FOS: variants seen among roughly 807,000 people sequenced by gnomAD.
FOS encodes the protein protein c-Fos.
A neutral mutation model predicts 27.2 loss-of-function variants in FOS; 9 were observed. The observed-to-expected ratio is 0.33, with a 90% confidence interval of 0.20 to 0.58. The LOEUF is 0.58. FOS is among the 20% of genes least tolerant of loss of function. The pLI, the probability that FOS is intolerant of heterozygous loss-of-function variation, is 0.87. For synonymous variants in FOS, 213 were observed against 205.1 expected (o/e 1.04, Z -0.33); for missense variants, 405 against 483.5 (o/e 0.84, Z 1.52).
At position 75,279,263 on chromosome 14, in the gene FOS, TC is replaced by T; in HGVS notation, c.141+141del. Reference sequence around the variant, plus strand: ...CTGCCGTGGCCGGAGCGGTGCCGGCTCGGGGGCTCGGGACTTGCTCTGAGCG... The same window carrying T: ...CTGCCGTGGCCGGAGCGGTGCCGGCTGGGGGCTCGGGACTTGCTCTGAGCG... On this transcript the variant is annotated intron_variant, in intron 1 of 3. Coordinates refer to ENST00000303562, the MANE Select transcript of FOS (RefSeq NM_005252.4). This position sits in a 1 kb window ranked among gnomAD's most constrained non-coding sequence, Gnocchi z 5.4. 9.1e-7 allele frequency: 1 copy of T among 1,097,518 alleles called. No homozygotes were observed. Among genetic ancestry groups the T allele is most frequent in the Non-Finnish European group, 1.3e-6 (1 of 764,230 alleles). 68.0% of individuals were successfully genotyped at this position (1,097,518 alleles called of 1,614,324 possible). A position where few individuals can be genotyped will look rare whatever the true frequency, so the allele number is the denominator to read the frequency against.
rs765970104 is a variant in FOS at position 75,281,393 on chromosome 14, C to T, written c.1112C>T (p.Ser371Leu). 12 of 1,611,582 alleles carry T rather than the reference C, an allele frequency of 7.4e-6. No individual in the cohort carries two copies. The highest frequency in any genetic ancestry group is 3.3e-5 in the Admixed American group (2 of 60,008). Residue 371 changes from serine (S) to leucine (L), a missense_variant, in exon 4 of 4, where the codon TCG (serine) becomes TTG (leucine). Ser to Leu is a moderately radical substitution (Grantham distance 145). Coordinates refer to ENST00000303562, the MANE Select transcript of FOS (RefSeq NM_005252.4). This position sits in a 1 kb window ranked among gnomAD's most constrained non-coding sequence, Gnocchi z 4.7. ...AGCAGCAATGAGCCTTCCTCTGACT[C>T]GCTCAGCTCACCCACGCTGCTGGCC... ...GSSSNEPSSD[S>L]LSSPTLLAL
In FOS at chr14:75,281,720, T is replaced by A; in HGVS notation, c.*296T>A. The A allele has an allele frequency of 2.4e-6, 1 of 424,338 alleles. No homozygotes were observed. Among genetic ancestry groups the A allele is most frequent in the Non-Finnish European group, 4.3e-6 (1 of 232,818 alleles). The allele number at this position is 424,338 out of a possible 1,614,324, so 26.3% of individuals were successfully genotyped here. A position where few individuals can be genotyped will look rare whatever the true frequency, so the allele number is the denominator to read the frequency against. ...GTTGAGCCAGGCCTGGGTCTGTGTC[T>A]CTTTTCTCTTTCTCCTTAGTCTTCT... is the stretch of plus-strand genomic sequence containing the variant. On this transcript the variant is annotated 3_prime_UTR_variant, in exon 4 of 4. Coordinates refer to ENST00000303562, the MANE Select transcript of FOS (RefSeq NM_005252.4). The surrounding 1 kb of genome is among the most constrained non-coding windows in gnomAD (Gnocchi z 4.7).
Position 75,280,777 on chromosome 14 carries a change from A to G in FOS, c.502-6A>G, listed in dbSNP as rs368342520. The G allele has an allele frequency of 3.3e-5, 53 of 1,613,586 alleles. No homozygotes were observed. The highest frequency in any genetic ancestry group is 8.0e-5 in the African/African-American group (6 of 74,840). ...CTTATGCTTTCCTTTATCCCTCTGTATACAGGAGACAGACCAACTAGAAGA... is the reference window on the plus strand; with the variant it reads ...CTTATGCTTTCCTTTATCCCTCTGTGTACAGGAGACAGACCAACTAGAAGA... On this transcript the variant is annotated splice_region_variant and splice_polypyrimidine_tract_variant and intron_variant, in intron 3 of 3. Coordinates refer to ENST00000303562, the MANE Select transcript of FOS (RefSeq NM_005252.4).
Position 75,279,897 on chromosome 14 carries a change from C to T in FOS, c.162C>T (p.Ala54=). 1 of 1,610,972 alleles carries T rather than the reference C, an allele frequency of 6.2e-7. No individual in the cohort carries two copies. Among genetic ancestry groups the T allele is most frequent in the Non-Finnish European group, 8.5e-7 (1 of 1,177,944 alleles). The stretch of plus-strand genomic sequence containing the variant: ...TCTAGGACTTCTGCACGGACCTGGC[C>T]GTCTCCAGTGCCAACTTCATTCCCA... ...VNAQDFCTDL[A]VSSANFIPTV... is the part of the protein sequence containing the mutation. Residue 54 remains alanine, a synonymous_variant, in exon 2 of 4, where the codon GCC becomes GCT. Transcript: ENST00000303562. This position sits in a 1 kb window ranked among gnomAD's most constrained non-coding sequence, Gnocchi z 5.4.
rs1897221019 is a variant in FOS at position 75,280,868 on chromosome 14, T to G, written c.587T>G (p.Ile196Ser). ...AAGGAGAAGGAAAAACTAGAGTTCA[T>G]CCTGGCAGCTCACCGACCTGCCTGC... ...LLKEKEKLEF[I>S]LAAHRPACKI... The change falls in exon 4 of 4, where the codon ATC (isoleucine) becomes AGC (serine). Residue 196 changes from isoleucine (I) to serine (S), a missense_variant. Transcript: ENST00000303562. 1 of 1,614,130 alleles carries G rather than the reference T, an allele frequency of 6.2e-7. No homozygotes were observed. The highest frequency in any genetic ancestry group is 8.5e-7 in the Non-Finnish European group (1 of 1,180,002).
intron 2 of FOS, 134 bp downstream of exon 2, chr14:75,280,262 C>T (rs1897212572): frequency 1.6e-6 from 2 of 1,222,894 alleles, no homozygotes; most frequent in South Asian, 1.3e-5. Context: ...GGAGCCCTGG[C>T]TCCAAGCCCA....
chr14:75,279,716 G>A lies in FOS; in HGVS notation c.142-161G>A. Reference sequence around the variant, plus strand: ...CACTGCGCTGCGGAATGCCTGGGAGGAAAAGGGGGAGACCTTTCATCCAGG... The same window carrying A: ...CACTGCGCTGCGGAATGCCTGGGAGAAAAAGGGGGAGACCTTTCATCCAGG... On this transcript the variant is annotated intron_variant, in intron 1 of 3. Transcript: ENST00000303562. This position sits in a 1 kb window ranked among gnomAD's most constrained non-coding sequence, Gnocchi z 5.4. The A allele has an allele frequency of 1.2e-6, 1 of 829,728 alleles. No individual in the cohort carries two copies. The highest frequency in any genetic ancestry group is 1.7e-5 in the South Asian group (1 of 57,636). The allele number at this position is 829,728 out of a possible 1,614,324, so 51.4% of individuals were successfully genotyped here.
At position 75,280,099 on chromosome 14, in the gene FOS, A is replaced by G; in HGVS notation, c.364A>G (p.Ser122Gly). 1 of 1,614,000 alleles carries G rather than the reference A, an allele frequency of 6.2e-7. No individual in the cohort carries two copies. The change falls in exon 2 of 4, where the codon AGC becomes GGC. Residue 122 changes from serine to glycine, a missense_variant. By Grantham distance (56) the Ser-to-Gly change is moderately conservative. Coordinates refer to ENST00000303562, the MANE Select transcript of FOS (RefSeq NM_005252.4). Reference sequence around the variant, plus strand: ...GACCATGACAGGAGGCCGAGCGCAGAGCATTGGCAGGAGGGGCAAGGTGGA... The same window carrying G: ...GACCATGACAGGAGGCCGAGCGCAGGGCATTGGCAGGAGGGGCAAGGTGGA... Reference protein sequence around the residue: ...VKTMTGGRAQSIGRRGKVEQL... With the variant: ...VKTMTGGRAQGIGRRGKVEQL...
Position 75,281,584 on chromosome 14 carries a change from G to A in FOS, c.*160G>A. On this transcript the variant is annotated 3_prime_UTR_variant, in exon 4 of 4. Coordinates refer to ENST00000303562, the MANE Select transcript of FOS (RefSeq NM_005252.4). The surrounding 1 kb of genome is among the most constrained non-coding windows in gnomAD (Gnocchi z 4.7). ...ACCAGGCTGTGGGCCTCAAGGACTT[G>A]AAAGCATCCATGTGTGGACTCAAGT... The A allele has an allele frequency of 1.3e-6, 1 of 752,936 alleles. No homozygotes were observed. Among genetic ancestry groups the A allele is most frequent in the South Asian group, 1.9e-5 (1 of 54,048 alleles). The allele number at this position is 752,936 out of a possible 1,614,324, so 46.6% of individuals were successfully genotyped here. A position where few individuals can be genotyped will look rare whatever the true frequency, so the allele number is the denominator to read the frequency against.
In FOS at chr14:75,281,244, G is replaced by T; in HGVS notation, c.963G>T (p.Glu321Asp). 6 of 1,612,496 alleles carry T rather than the reference G, an allele frequency of 3.7e-6. No homozygotes were observed. Among genetic ancestry groups the T allele is most frequent in the Non-Finnish European group, 5.1e-6 (6 of 1,180,002 alleles). ...TGGGGCCCATGGCCACAGAGCTGGA[G>T]CCCCTGTGCACTCCGGTGGTCACCT... The part of the protein sequence containing the change: ...LGMGPMATEL[E>D]PLCTPVVTCT... The change falls in exon 4 of 4, where the codon GAG becomes GAT. Residue 321 changes from glutamate to aspartate, a missense_variant. By Grantham distance (45) the Glu-to-Asp change is conservative. Transcript: ENST00000303562. The surrounding 1 kb of genome is among the most constrained non-coding windows in gnomAD (Gnocchi z 4.7).
chr14:75,279,348 G>A lies in FOS; in HGVS notation c.141+225G>A, dbSNP rs970525672. ...CCTTCGGGAGGCAGGTTCGTTCTGA[G>A]CAACCTCTGGTCTGCACTCCAGGAC... On this transcript the variant is annotated intron_variant, in intron 1 of 3. Coordinates refer to ENST00000303562, the MANE Select transcript of FOS (RefSeq NM_005252.4). The surrounding 1 kb of genome is among the most constrained non-coding windows in gnomAD (Gnocchi z 5.4). 5.6e-5 allele frequency: 34 copies of A among 611,752 alleles called. No homozygotes were observed. The highest frequency in any genetic ancestry group is 4.3e-4 in the South Asian group (22 of 51,228). 37.9% of individuals were successfully genotyped at this position (611,752 alleles called of 1,614,324 possible). A position where few individuals can be genotyped will look rare whatever the true frequency, so the allele number is the denominator to read the frequency against.
chr14:75,281,260 G>A lies in FOS; in HGVS notation c.979G>A (p.Val327Met), dbSNP rs763381996. The A allele has an allele frequency of 6.2e-7, 1 of 1,611,878 alleles. No individual in the cohort carries two copies. Among genetic ancestry groups the A allele is most frequent in the South Asian group, 1.1e-5 (1 of 91,088 alleles). ...ATELEPLCTP[V>M]VTCTPSCTAY... ...AGAGCTGGAGCCCCTGTGCACTCCG[G>A]TGGTCACCTGTACTCCCAGCTGCAC... Residue 327 changes from valine (V) to methionine (M), a missense_variant, in exon 4 of 4, where the codon GTG (valine) becomes ATG (methionine). Coordinates refer to ENST00000303562, the MANE Select transcript of FOS (RefSeq NM_005252.4). The surrounding 1 kb of genome is among the most constrained non-coding windows in gnomAD (Gnocchi z 4.7).
In FOS at chr14:75,279,184, C is replaced by T; in HGVS notation, c.141+61C>T. On this transcript the variant is annotated intron_variant, in intron 1 of 3. Transcript: ENST00000303562. The surrounding 1 kb of genome is among the most constrained non-coding windows in gnomAD (Gnocchi z 5.4). The stretch of plus-strand genomic sequence containing the variant: ...CTTGGGGTCGCGGAGGAGGAGACAC[C>T]GGGCGGGACGCTCCAGTAGATGAGT... The T allele has an allele frequency of 6.3e-7, 1 of 1,599,896 alleles. No homozygotes were observed. Among genetic ancestry groups the T allele is most frequent in the South Asian group, 1.1e-5 (1 of 90,944 alleles).
chr14:75,280,363 C>T (rs1290826351), intron 2 of FOS, 197 bp from the exon 3 acceptor site: 2 of 681,974 alleles, frequency 2.9e-6, no homozygotes, highest in African/African-American at 1.8e-5. Context: ...TCAGACTGGG[C>T]TCTTCTTTGT....
rs1594902807 is a variant in FOS at position 75,281,602 on chromosome 14, A to G, written c.*178A>G. 6.1e-6 allele frequency: 4 copies of G among 657,908 alleles called. No individual in the cohort carries two copies. The East Asian group carries it at 1.1e-4, about 18-fold the overall frequency. 40.8% of individuals were successfully genotyped at this position (657,908 alleles called of 1,614,324 possible). On this transcript the variant is annotated 3_prime_UTR_variant, in exon 4 of 4. Transcript: ENST00000303562. The surrounding 1 kb of genome is among the most constrained non-coding windows in gnomAD (Gnocchi z 4.7). ...AGGACTTGAAAGCATCCATGTGTGGACTCAAGTCCTTACCTCTTCCGGAGA... is the reference window on the plus strand; with the variant it reads ...AGGACTTGAAAGCATCCATGTGTGGGCTCAAGTCCTTACCTCTTCCGGAGA...
At position 75,281,519 on chromosome 14, in the gene FOS, C is replaced by T. The variant is rs1429908331; in HGVS notation, c.*95C>T. On this transcript the variant is annotated 3_prime_UTR_variant, in exon 4 of 4. Coordinates refer to ENST00000303562, the MANE Select transcript of FOS (RefSeq NM_005252.4). This position sits in a 1 kb window ranked among gnomAD's most constrained non-coding sequence, Gnocchi z 4.7. ...AGAAACACATCTTCCCTAGAGGGTT[C>T]CTGTAGACCTAGGGAGGACCTTATC... 4 of 1,347,694 alleles carry T rather than the reference C, an allele frequency of 3.0e-6. No individual in the cohort carries two copies. The East Asian group carries it at 7.4e-5, about 25-fold the overall frequency. The allele number at this position is 1,347,694 out of a possible 1,614,324, so 83.5% of individuals were successfully genotyped here.
rs771535098 is a variant in FOS, at chr14:75,280,895, A to G, written c.614A>G (p.Lys205Arg). ...CTGGCAGCTCACCGACCTGCCTGCA[A>G]GATCCCTGATGACCTGGGCTTCCCA... Reference protein sequence around the residue: ...FILAAHRPACKIPDDLGFPEE... With the variant: ...FILAAHRPACRIPDDLGFPEE... Residue 205 changes from lysine (K) to arginine (R), a missense_variant, in exon 4 of 4, where the codon AAG becomes AGG. By Grantham distance (26) the Lys-to-Arg change is conservative. Coordinates refer to ENST00000303562, the MANE Select transcript of FOS (RefSeq NM_005252.4). 3 of 1,614,166 alleles carry G rather than the reference A, an allele frequency of 1.9e-6. No individual in the cohort carries two copies. Among genetic ancestry groups the G allele is most frequent in the Non-Finnish European group, 1.7e-6 (2 of 1,180,012 alleles).
intron 3 of FOS, 52 bp from the exon 4 acceptor site, chr14:75,280,731 G>A (rs1475163328): frequency 6.2e-7 from 1 of 1,609,040 alleles, no homozygotes; most frequent in African/African-American, 1.3e-5. Context: ...TGAGCATAAG[G>A]GCCCTTGAGT....
chr14:75,279,176 G>C lies in FOS; in HGVS notation c.141+53G>C. ...GCCGGGGGCTTGGGGTCGCGGAGGAGGAGACACCGGGCGGGACGCTCCAGT... is the reference window on the plus strand; with the variant it reads ...GCCGGGGGCTTGGGGTCGCGGAGGACGAGACACCGGGCGGGACGCTCCAGT... On this transcript the variant is annotated intron_variant, in intron 1 of 3. Coordinates refer to ENST00000303562, the MANE Select transcript of FOS (RefSeq NM_005252.4). The surrounding 1 kb of genome is among the most constrained non-coding windows in gnomAD (Gnocchi z 5.4). The C allele has an allele frequency of 6.2e-7, 1 of 1,604,436 alleles. No individual in the cohort carries two copies. Among genetic ancestry groups the C allele is most frequent in the Non-Finnish European group, 8.5e-7 (1 of 1,178,926 alleles).
Sources: allele counts gnomAD v4.1 joint callset, GRCh38; gene constraint gnomAD v4.1.1; non-coding constraint Gnocchi (gnomAD v3.1); transcripts MANE v1.5; gene names NCBI Gene and HGNC (gene_info 2026-07-23, HGNC 2026-07-21).